SORL1: variants seen among roughly 807,000 people sequenced by gnomAD.
The protein encoded by SORL1 is sortilin related receptor 1.
In SORL1, 127 loss-of-function variants were observed where a neutral mutation model predicts 273.7. The ratio of observed to expected loss-of-function variants is 0.46; its 90% confidence interval spans 0.40 to 0.54. SORL1 has a LOEUF of 0.54. Among genes scored for constraint, SORL1 ranks in the 20% least tolerant of loss-of-function variants. SORL1 has a pLI of 0.00. For synonymous variants in SORL1, 1,031 were observed against 1,067.4 expected, an observed-to-expected ratio of 0.97 and a Z score of 0.66; for missense variants, 2,494 against 2,846.1, an observed-to-expected ratio of 0.88 and a Z score of 2.81.
intron 3 of SORL1, among the ~76,000 whole-genome samples, chr11:121,481,988 C>T (rs1482364223): frequency 3.9e-5 from 6 of 152,222 alleles, no homozygotes. Context: ...TATAGGCAGG[C>T]TCCATCTCTT....
chr11:121,497,189 A>G (rs1861645254), intron 6 of SORL1, 140 bp downstream of exon 6: 3 of 715,894 alleles, frequency 4.2e-6, no homozygotes, highest in Non-Finnish European at 6.9e-6. Context: ...GGATCTCAAC[A>G]TTGACAACAT....
intron 41 of SORL1, among the ~76,000 whole-genome samples, chr11:121,616,560 C>T (rs1863645152): frequency 6.6e-6 from 1 of 152,210 alleles, no homozygotes; most frequent in South Asian, 2.1e-4. Context: ...TACTCTAAGC[C>T]CCGACTTGGC....
chr11:121,486,449 G>A (rs1357107074), intron 3 of SORL1, among the ~76,000 whole-genome samples: 1 of 151,964 alleles, frequency 6.6e-6, no homozygotes, highest in East Asian at 1.9e-4. Flanking sequence ...GACCAGCCTG[G>A]GCAACATGGT....
At chr11:121,477,648 A>C (rs1342586249) in intron 2 of SORL1, among the ~76,000 whole-genome samples, 1 of 151,952 alleles carries the variant, frequency 6.6e-6, no homozygotes, top group Non-Finnish European at 1.5e-5. Flanking sequence ...GCCCTGCCTC[A>C]CCTTTGTGTG....
chr11:121,544,378 C>G (rs888427369), intron 13 of SORL1, among the ~76,000 whole-genome samples: 1 of 152,118 alleles, frequency 6.6e-6, no homozygotes, highest in Non-Finnish European at 1.5e-5. Context: ...GAAGACGTCT[C>G]CCTTCTTCTC....
rs1311959728 is a variant in SORL1, at chr11:121,559,549, C to G, written c.2941C>G (p.Leu981Val). ...AATCTACTGGGATGACTGGTCACAG[C>G]TCAGCATATTCCGAGCTTCCAAATA... ...NEIYWDDWSQ[L>V]SIFRASKYSG... Residue 981 changes from leucine to valine, a missense_variant, in exon 21 of 48, where the codon CTC becomes GTC. Around this residue, in one of 3 missense-constraint regions of SORL1, gnomAD observed 1,609 missense variants for 1,816.4 expected, o/e 0.89. Transcript: ENST00000260197. The G allele has an allele frequency of 4.3e-5, 70 of 1,614,062 alleles. No homozygotes were observed. The highest frequency in any genetic ancestry group is 5.8e-5 in the Non-Finnish European group (69 of 1,180,024).
intron 6 of SORL1, among the ~76,000 whole-genome samples, chr11:121,505,158 A>T (rs1861768952): frequency 6.6e-6 from 1 of 151,988 alleles, no homozygotes; most frequent in Non-Finnish European, 1.5e-5. Context: ...AGTTTTTAAA[A>T]TTTCTCTTTG....
chr11:121,484,795 C>T (rs750943278), intron 3 of SORL1, among the ~76,000 whole-genome samples: 1 of 152,068 alleles, frequency 6.6e-6, no homozygotes, highest in Non-Finnish European at 1.5e-5. Flanking sequence ...ACTTCATCAC[C>T]CAGGCTGGAG....
At chr11:121,628,885 T>A (rs942139849) in intron 47 of SORL1, 2 of 152,478 alleles carry the variant, frequency 1.3e-5, no homozygotes, top group East Asian at 3.8e-4. Flanking sequence ...TCTTGCCTAA[T>A]AAGCCGGCAC....
chr11:121,599,351 C>T (rs1284101084), intron 32 of SORL1, among the ~76,000 whole-genome samples: 1 of 152,206 alleles, frequency 6.6e-6, no homozygotes, highest in Non-Finnish European at 1.5e-5. Flanking sequence ...TTGAGACCAG[C>T]CTGACCAATA....
intron 8 of SORL1, among the ~76,000 whole-genome samples, chr11:121,517,504 TTTAA>T (rs1393159710): frequency 2.6e-5 from 4 of 152,240 alleles, no homozygotes; most frequent in African/African-American, 9.6e-5. Flanking sequence ...TCACTGACTC[TTTAA>T]TTTTTCTTTT....
chr11:121,478,696 G>T (rs1861320289), intron 3 of SORL1, among the ~76,000 whole-genome samples: 3 of 151,086 alleles, frequency 2.0e-5, no homozygotes, highest in Admixed American at 2.0e-4. Context: ...GTGCGTGTGG[G>T]TACCTGTGTG....
intron 18 of SORL1, 169 bp from the exon 19 acceptor site, chr11:121,557,145 C>T (rs770694451): frequency 2.0e-5 from 13 of 635,116 alleles, no homozygotes; most frequent in Non-Finnish European, 2.9e-5. Flanking sequence ...GAAGGAACAG[C>T]GCATTGTGAC....
rs930099838 is a variant in SORL1, at chr11:121,597,599, C to T, written c.4519+1827C>T. Among the ~76,000 whole-genome samples the T allele has an allele frequency of 3.9e-5, 6 of 152,116 alleles. No individual in the cohort carries two copies. The South Asian group carries it at 6.2e-4, about 16-fold the overall frequency. The stretch of plus-strand genomic sequence containing the variant: ...GCCTCAGCCTCCCGAGTAGCTGGGA[C>T]GACAGGCATGCGGCACCATGCCTGG... On this transcript the variant is annotated intron_variant, in intron 32 of 47. Coordinates refer to ENST00000260197, the MANE Select transcript of SORL1 (RefSeq NM_003105.6).
At chr11:121,473,130 T>C (rs934377628) in intron 2 of SORL1, among the ~76,000 whole-genome samples, 6 of 152,172 alleles carry the variant, frequency 3.9e-5, no homozygotes, top group Admixed American at 1.3e-4. Context: ...AAAGAAATGA[T>C]GACTCAGAGG....
At position 121,586,243 on chromosome 11, in the gene SORL1, G is replaced by A. The variant is rs760196542; in HGVS notation, c.3728G>A (p.Arg1243His). ...TCAGAGAAGAAGTGCAATGGATTCC[G>A]CTGCCCAAACGGCACTTGCATCCCA... ...VNCEKKCNGF[R>H]CPNGTCIPSS... Residue 1243 changes from arginine (R) to histidine (H), a missense_variant, in exon 27 of 48, where the codon CGC (arginine) becomes CAC (histidine). Physicochemically the swap from Arg to His is conservative, Grantham distance 29. Transcript: ENST00000260197. 6.8e-6 allele frequency: 11 copies of A among 1,613,348 alleles called. No individual in the cohort carries two copies. Among genetic ancestry groups the A allele is most frequent in the East Asian group, 4.5e-5 (2 of 44,894 alleles).
chr11:121,452,444 G>T lies in SORL1; in HGVS notation c.113G>T (p.Gly38Val). 6.7e-7 allele frequency: 1 copy of T among 1,498,818 alleles called. No individual in the cohort carries two copies. The highest frequency in any genetic ancestry group is 8.9e-7 in the Non-Finnish European group (1 of 1,127,800). 92.8% of individuals were successfully genotyped at this position (1,498,818 alleles called of 1,614,324 possible). A position where few individuals can be genotyped will look rare whatever the true frequency, so the allele number is the denominator to read the frequency against. ...CEVWTQRLHGGSAPLPQDRGF... is the reference protein window; with the variant it reads ...CEVWTQRLHGVSAPLPQDRGF... ...GTCTGGACGCAGAGGCTGCACGGCG[G>T]CAGCGCGCCCTTGCCCCAGGACCGG... The change falls in exon 1 of 48, where the codon GGC (glycine) becomes GTC (valine). Residue 38 changes from glycine to valine, a missense_variant. Coordinates refer to ENST00000260197, the MANE Select transcript of SORL1 (RefSeq NM_003105.6). This position sits in a 1 kb window ranked among gnomAD's most constrained non-coding sequence, Gnocchi z 5.3.
At chr11:121,525,199 ATT>A (rs1862103901) in intron 11 of SORL1, among the ~76,000 whole-genome samples, 1 of 152,204 alleles carries the variant, frequency 6.6e-6, no homozygotes, top group Non-Finnish European at 1.5e-5. Flanking sequence ...ATTTTCTAGA[ATT>A]TTGATAAGTG....
chr11:121,525,789 C>G (rs1862112504), intron 11 of SORL1, among the ~76,000 whole-genome samples: 1 of 152,224 alleles, frequency 6.6e-6, no homozygotes. Flanking sequence ...GTGGCTCTGC[C>G]TATAATCCCA....
Sources: allele counts gnomAD v4.1 joint callset (sites outside exome capture counted in the v4.1 genomes callset), GRCh38; gene constraint gnomAD v4.1.1; regional missense constraint gnomAD v4.1.1; non-coding constraint Gnocchi (gnomAD v3.1); transcripts MANE v1.5; gene names NCBI Gene and HGNC (gene_info 2026-07-23, HGNC 2026-07-21).